Variants in ADK observed in about 807,000 individuals in gnomAD.
The protein encoded by ADK is N6,N6-dimethyladenosine kinase.
A neutral mutation model predicts 44.7 loss-of-function variants in ADK; 24 were observed. The observed-to-expected ratio is 0.54, with a 90% CI of 0.39 to 0.76. ADK has a LOEUF of 0.76. Among genes scored for constraint, ADK ranks in the 30% least tolerant of loss-of-function variants. The pLI, the probability that ADK is intolerant of heterozygous loss-of-function variation, is 0.00. For synonymous variants in ADK, 128 were observed against 142.6 expected (o/e 0.90, Z 0.73); for missense variants, 321 against 425.1 (o/e 0.76, Z 2.15).
intron 10 of ADK, among the ~76,000 whole-genome samples, chr10:74,677,503 A>G (rs1308430485): frequency 1.3e-5 from 2 of 152,160 alleles, no homozygotes; most frequent in Non-Finnish European, 2.9e-5. Context: ...TATGCATAGA[A>G]GTGGTGCAGA....
rs529617185 is a variant in ADK at position 74,481,198 on chromosome 10, T to C, written c.556-44058T>C. 3.3e-5 allele frequency among the ~76,000 whole-genome samples: 5 copies of C among 152,114 alleles called. 1 individual carries two copies. The highest frequency in any genetic ancestry group is 1.2e-4 in the African/African-American group (5 of 41,578). ...CATATATTGTTTTATTTGTACTTCTTGTGGCTTATTGAGAGAATACGAAGA... is the reference window on the plus strand; with the variant it reads ...CATATATTGTTTTATTTGTACTTCTCGTGGCTTATTGAGAGAATACGAAGA... On this transcript the variant is annotated intron_variant, in intron 6 of 10. Coordinates refer to ENST00000539909, the MANE Select transcript of ADK (RefSeq NM_006721.4).
chr10:74,506,992 A>G (rs868273585), intron 6 of ADK, among the ~76,000 whole-genome samples: 5 of 152,218 alleles, frequency 3.3e-5, no homozygotes, highest in Admixed American at 6.5e-5. Flanking sequence ...TTCAAACCCA[A>G]GTTGTACAAG....
chr10:74,253,460 A>G (rs78272829), intron 3 of ADK, among the ~76,000 whole-genome samples: 7,507 of 152,122 alleles, frequency 0.049, 643 homozygotes, highest in African/African-American at 0.17. Flanking sequence ...CTTCTGCCTA[A>G]TCATCTTTCA....
chr10:74,154,023 C>G (rs899672003), intron 1 of ADK, among the ~76,000 whole-genome samples: 1 of 152,054 alleles, frequency 6.6e-6, no homozygotes, highest in Non-Finnish European at 1.5e-5. Context: ...AAAATGACAC[C>G]TGAGTATTCT....
chr10:74,178,883 G>A (rs184166661), intron 1 of ADK, among the ~76,000 whole-genome samples: 153 of 152,292 alleles, frequency 1.0e-3, no homozygotes, highest in African/African-American at 3.6e-3. Flanking sequence ...TGAGTGCCTT[G>A]TGCAAAATCA....
At chr10:74,659,607 A>G (rs1278384228) in intron 9 of ADK, among the ~76,000 whole-genome samples, 2 of 152,216 alleles carry the variant, frequency 1.3e-5, no homozygotes, top group African/African-American at 4.8e-5. Context: ...ATAGATATGT[A>G]TCTATATAAA....
chr10:74,155,452 G>A (rs1841719479), intron 1 of ADK, among the ~76,000 whole-genome samples: 1 of 152,148 alleles, frequency 6.6e-6, no homozygotes, highest in African/African-American at 2.4e-5. Flanking sequence ...CACCAAGCCT[G>A]GCCTTAATTA....
chr10:74,613,616 G>A (rs1852635996), intron 9 of ADK, among the ~76,000 whole-genome samples: 1 of 152,022 alleles, frequency 6.6e-6, no homozygotes, highest in Non-Finnish European at 1.5e-5. Flanking sequence ...TTAAAGAAAC[G>A]TGTTACCTCA....
intron 9 of ADK, among the ~76,000 whole-genome samples, chr10:74,635,398 A>G (rs1231447793): frequency 6.6e-6 from 1 of 152,210 alleles, no homozygotes; most frequent in African/African-American, 2.4e-5. Context: ...TGAAGGTGAT[A>G]TTAAAACATT....
chr10:74,348,283 C>T (rs913487702), intron 4 of ADK, among the ~76,000 whole-genome samples: 2 of 152,162 alleles, frequency 1.3e-5, no homozygotes, highest in Admixed American at 6.5e-5. Context: ...TGGTGATACT[C>T]AGGCAAACAG....
chr10:74,342,677 G>A (rs1205487566), intron 4 of ADK, among the ~76,000 whole-genome samples: 13 of 152,056 alleles, frequency 8.5e-5, no homozygotes, highest in Admixed American at 8.5e-4. Context: ...GTCTTGCCAT[G>A]TTGCCCAGGC....
intron 5 of ADK, among the ~76,000 whole-genome samples, chr10:74,395,110 A>G (rs1843462274): frequency 6.6e-6 from 1 of 152,180 alleles, no homozygotes; most frequent in Non-Finnish European, 1.5e-5. Context: ...ATAATCAAAG[A>G]TGACCTCTTT....
At chr10:74,367,444 T>G (rs1362833130) in intron 4 of ADK, among the ~76,000 whole-genome samples, 1 of 152,178 alleles carries the variant, frequency 6.6e-6, no homozygotes. Context: ...TTTATCATAC[T>G]CTCAAAAGAA....
chr10:74,621,768 A>G (rs1330351625), intron 9 of ADK, among the ~76,000 whole-genome samples: 1 of 152,158 alleles, frequency 6.6e-6, no homozygotes, highest in African/African-American at 2.4e-5. Context: ...AACATTGTCC[A>G]TAATAAATTA....
At position 74,410,678 on chromosome 10, in the gene ADK, C is replaced by T. The variant is rs574742568; in HGVS notation, c.555+12099C>T. ...CCTGGCTGACAGAGTGAGACTCTGT[C>T]TGAAAACAAACAAACAAACAAACAA... is the stretch of plus-strand genomic sequence containing the variant. On this transcript the variant is annotated intron_variant, in intron 6 of 10. Coordinates refer to ENST00000539909, the MANE Select transcript of ADK (RefSeq NM_006721.4). Among the ~76,000 whole-genome samples the T allele has an allele frequency of 3.4e-4, 51 of 152,100 alleles. 1 individual carries two copies. The highest frequency in any genetic ancestry group is 4.6e-4 in the Admixed American group (7 of 15,276).
intron 6 of ADK, among the ~76,000 whole-genome samples, chr10:74,428,663 A>G (rs536755154): frequency 9.8e-5 from 15 of 152,366 alleles, no homozygotes; most frequent in Admixed American, 2.6e-4. Flanking sequence ...TTTTGCAGTC[A>G]TCATGTTAAA....
chr10:74,617,553 T>C (rs1200780877), intron 9 of ADK, among the ~76,000 whole-genome samples: 4 of 152,196 alleles, frequency 2.6e-5, no homozygotes, highest in Non-Finnish European at 5.9e-5. Context: ...AACATTGACA[T>C]ATCTTTTTAA....
At chr10:74,323,423 T>C (rs898805619) in intron 4 of ADK, among the ~76,000 whole-genome samples, 2 of 152,226 alleles carry the variant, frequency 1.3e-5, no homozygotes, top group Non-Finnish European at 2.9e-5. Flanking sequence ...AATACACATT[T>C]CCTTCTTCTT....
At chr10:74,428,834 A>C (rs892781396) in intron 6 of ADK, among the ~76,000 whole-genome samples, 2 of 152,168 alleles carry the variant, frequency 1.3e-5, no homozygotes, top group Admixed American at 6.5e-5. Context: ...CAGGGTGATC[A>C]CAAGTATCAC....
Sources: allele counts gnomAD v4.1 joint callset (sites outside exome capture counted in the v4.1 genomes callset), GRCh38; gene constraint gnomAD v4.1.1; transcripts MANE v1.5; gene names NCBI Gene and HGNC (gene_info 2026-07-23, HGNC 2026-07-21).